Variants in EFNA5 observed in about 807,000 individuals in gnomAD.
EFNA5 encodes ephrin A5.
Under a neutral mutation model 22.9 loss-of-function variants are expected in EFNA5, and 5 were observed. That is an observed-to-expected ratio of 0.22 (90% CI 0.11 to 0.46). The LOEUF (loss-of-function observed/expected upper bound fraction) is 0.46. Ranked by LOEUF, EFNA5 falls within the 20% of genes least tolerant of loss-of-function variation. The probability of loss-of-function intolerance (pLI) is 0.99; values close to 1 mark genes in which losing one functional copy is unlikely to be tolerated. For missense variants in EFNA5, 237 were observed against 293.3 expected (o/e 0.81, Z 1.40); for synonymous variants, 113 against 112.2 (o/e 1.01, Z -0.04).
At chr5:107,612,926 A>G (rs532111019) in intron 1 of EFNA5, among the ~76,000 whole-genome samples, 1 of 151,114 alleles carries the variant, frequency 6.6e-6, no homozygotes, top group Admixed American at 6.6e-5. Context: ...GTAGCAAAAC[A>G]GGGAATAAAA....
At chr5:107,508,850 G>A (rs1747303130) in intron 1 of EFNA5, among the ~76,000 whole-genome samples, 1 of 152,136 alleles carries the variant, frequency 6.6e-6, no homozygotes, top group African/African-American at 2.4e-5. Context: ...CATGTCCAAT[G>A]TCATTACAGA....
Position 107,556,782 on chromosome 5 carries a change from AAAT to A in EFNA5, c.125+113704_125+113706del, listed in dbSNP as rs1223549443. On this transcript the variant is annotated intron_variant, in intron 1 of 4. Coordinates refer to ENST00000333274, the MANE Select transcript of EFNA5 (RefSeq NM_001962.3). ...TAAATAAATAAATAAATAAATAAAT[AAAT>A]AAATAAAATAAAATAAATAACTATC... Among the ~76,000 whole-genome samples the A allele has an allele frequency of 1.5e-3, 165 of 111,978 alleles. 5 individuals carry two copies. Among genetic ancestry groups the A allele is most frequent in the Middle Eastern group, 4.6e-3 (1 of 216 alleles). The allele number at this position is 111,978 out of a possible 152,430, so 73.5% of individuals were successfully genotyped here. A position where few individuals can be genotyped will look rare whatever the true frequency, so the allele number is the denominator to read the frequency against.
chr5:107,481,348 C>G (rs1750455412), intron 1 of EFNA5, among the ~76,000 whole-genome samples: 1 of 152,146 alleles, frequency 6.6e-6, no homozygotes. Context: ...CCTTCTCCAT[C>G]GCACTGGGCC....
chr5:107,560,854 G>A (rs1012513042), intron 1 of EFNA5, among the ~76,000 whole-genome samples: 2 of 152,198 alleles, frequency 1.3e-5, no homozygotes, highest in Admixed American at 1.3e-4. Context: ...GTGAGGCAGA[G>A]CCAGGAATGG....
intron 1 of EFNA5, among the ~76,000 whole-genome samples, chr5:107,602,007 A>G (rs1225638117): frequency 6.6e-6 from 1 of 152,176 alleles, no homozygotes; most frequent in Non-Finnish European, 1.5e-5. Flanking sequence ...ACTATCCCTT[A>G]ATTTACTGAA....
intron 1 of EFNA5, among the ~76,000 whole-genome samples, chr5:107,562,533 T>A (rs1422132862): frequency 6.6e-6 from 1 of 152,166 alleles, no homozygotes; most frequent in African/African-American, 2.4e-5. Flanking sequence ...AAAGTTTGAA[T>A]ATAGTATAAT....
At chr5:107,477,251 T>C (rs1449800656) in intron 1 of EFNA5, among the ~76,000 whole-genome samples, 1 of 152,106 alleles carries the variant, frequency 6.6e-6, no homozygotes, top group African/African-American at 2.4e-5. Flanking sequence ...CTAATCATAA[T>C]ATTAACATAT....
chr5:107,492,842 T>C (rs186582843), intron 1 of EFNA5, among the ~76,000 whole-genome samples: 65 of 152,082 alleles, frequency 4.3e-4, no homozygotes, highest in South Asian at 1.2e-3. Context: ...CTACTAAAAA[T>C]ACAAAAATTA....
chr5:107,453,669 G>A (rs892540541), intron 1 of EFNA5, among the ~76,000 whole-genome samples: 2 of 152,126 alleles, frequency 1.3e-5, no homozygotes, highest in African/African-American at 4.8e-5. Flanking sequence ...TCTATACCTT[G>A]TGGTCTCAAT....
intron 1 of EFNA5, among the ~76,000 whole-genome samples, chr5:107,535,145 T>G (rs529762675): frequency 6.6e-6 from 1 of 152,286 alleles, no homozygotes; most frequent in South Asian, 2.1e-4. Context: ...AGGAGGGTAA[T>G]GGCAGAGTGG....
intron 1 of EFNA5, among the ~76,000 whole-genome samples, chr5:107,633,806 C>T (rs1006657460): frequency 1.2e-4 from 18 of 152,152 alleles, no homozygotes; most frequent in African/African-American, 3.6e-4. Context: ...TGTTCACAAA[C>T]GTATTCACAC....
intron 1 of EFNA5, among the ~76,000 whole-genome samples, chr5:107,556,753 A>AAAAT (rs35945658): frequency 0.053 from 6,451 of 122,588 alleles, 178 homozygotes; most frequent in Admixed American, 0.067. Context: ...TCTCAAAATA[A>AAAAT]AAATAAATAA....
intron 1 of EFNA5, among the ~76,000 whole-genome samples, chr5:107,599,825 C>T (rs1292330233): frequency 6.6e-6 from 1 of 152,172 alleles, no homozygotes; most frequent in African/African-American, 2.4e-5. Context: ...CAGTGAGTTG[C>T]TCTCATTTTC....
intron 1 of EFNA5, among the ~76,000 whole-genome samples, chr5:107,595,665 G>C (rs1749459110): frequency 6.6e-6 from 1 of 152,138 alleles, no homozygotes; most frequent in African/African-American, 2.4e-5. Context: ...TGCAATGCCG[G>C]GGGTAACACC....
intron 2 of EFNA5, among the ~76,000 whole-genome samples, chr5:107,406,990 A>G (rs1200126944): frequency 2.0e-5 from 3 of 152,248 alleles, no homozygotes; most frequent in African/African-American, 4.8e-5. Flanking sequence ...GTGCAATTTA[A>G]GTAGGTTCTT....
At chr5:107,645,245 G>A (rs1259079572) in intron 1 of EFNA5, among the ~76,000 whole-genome samples, 1 of 152,168 alleles carries the variant, frequency 6.6e-6, no homozygotes, top group Non-Finnish European at 1.5e-5. Flanking sequence ...CTTCAAACAA[G>A]GGGACATAAA....
intron 1 of EFNA5, among the ~76,000 whole-genome samples, chr5:107,447,727 C>T (rs1431895291): frequency 6.6e-6 from 1 of 152,070 alleles, no homozygotes; most frequent in African/African-American, 2.4e-5. Flanking sequence ...AATGTACAGA[C>T]CCAAAGAAAT....
chr5:107,472,683 G>A (rs1750170984), intron 1 of EFNA5, among the ~76,000 whole-genome samples: 1 of 152,196 alleles, frequency 6.6e-6, no homozygotes, highest in South Asian at 2.1e-4. Flanking sequence ...GGATCCCATG[G>A]ACCTGTCTCA....
chr5:107,416,643 T>C (rs1428289034), intron 2 of EFNA5, among the ~76,000 whole-genome samples: 1 of 152,246 alleles, frequency 6.6e-6, no homozygotes, highest in Non-Finnish European at 1.5e-5. Context: ...AGTTAAAGCA[T>C]GAGTAAACCT....
Sources: gnomAD v4.1 joint callset for allele counts (sites outside exome capture counted in the v4.1 genomes callset) on GRCh38, gnomAD v4.1.1 for gene constraint, MANE v1.5 for transcripts, NCBI Gene and HGNC (gene_info 2026-07-23, HGNC 2026-07-21) for gene names.